Variants in PSD3 observed in about 807,000 individuals in gnomAD.
PSD3 encodes the protein pleckstrin and Sec7 domain containing 3, also known as PH and SEC7 domain-containing protein 3.
Under a neutral mutation model 105.5 loss-of-function variants are expected in PSD3, and 49 were observed. The ratio of observed to expected loss-of-function variants is 0.46; its 90% CI spans 0.37 to 0.59. PSD3 has a LOEUF of 0.59. Among genes scored for constraint, PSD3 ranks in the 20% least tolerant of loss-of-function variants. The pLI, the probability that PSD3 is intolerant of heterozygous loss-of-function variation, is 0.00. For missense variants in PSD3, 1,561 were observed against 1,263.8 expected (o/e 1.24, Z -3.57); for synonymous variants, 557 against 457.8 (o/e 1.22, Z -2.77).
In PSD3 at chr8:18,942,002, T is replaced by C. The variant is rs369228853; in HGVS notation, c.22-5860A>G. Among the ~76,000 whole-genome samples the C allele has an allele frequency of 8.5e-5, 13 of 152,168 alleles. No homozygotes were observed. In the East Asian group the frequency reaches 1.5e-3, roughly 18 times the overall value. On this transcript the variant is annotated intron_variant, in intron 1 of 15. Transcript: ENST00000327040. ...AGAATGATTCTTTTAATTAATTGTT[T>C]AGCTGTAAAAAAATCAAAAAGACGA...
chr8:18,917,183 C>T (rs34459571), intron 2 of PSD3, among the ~76,000 whole-genome samples: 7,087 of 152,228 alleles, frequency 0.047, 203 homozygotes, highest in Admixed American at 0.08. Flanking sequence ...CAGTATGTCT[C>T]GTCTTCTGTA....
At chr8:18,712,585 T>G (rs190147470) in intron 9 of PSD3, among the ~76,000 whole-genome samples, 1 of 152,166 alleles carries the variant, frequency 6.6e-6, no homozygotes, top group African/African-American at 2.4e-5. Flanking sequence ...CAGGAAGTGG[T>G]TGAATCCCTG....
At chr8:19,065,146 C>T (rs970517553) in intron 1 of PSD3, among the ~76,000 whole-genome samples, 1 of 152,164 alleles carries the variant, frequency 6.6e-6, no homozygotes, top group Admixed American at 6.5e-5. Flanking sequence ...GACCAGTCTG[C>T]TTTTTGTTCC....
chr8:18,995,650 G>A (rs1826036909), intron 1 of PSD3, among the ~76,000 whole-genome samples: 1 of 152,042 alleles, frequency 6.6e-6, no homozygotes, highest in Non-Finnish European at 1.5e-5. Context: ...AAGGAAAGAG[G>A]TTTAATTGAT....
intron 1 of PSD3, among the ~76,000 whole-genome samples, chr8:19,078,900 A>G (rs1275787736): frequency 6.6e-6 from 1 of 151,628 alleles, no homozygotes; most frequent in African/African-American, 2.4e-5. Context: ...GGCAAGCAGA[A>G]GATAGCAGAG....
intron 9 of PSD3, among the ~76,000 whole-genome samples, chr8:18,762,238 T>C (rs1424105355): frequency 1.3e-5 from 2 of 152,108 alleles, no homozygotes; most frequent in Non-Finnish European, 2.9e-5. Flanking sequence ...TCCTGAGCTA[T>C]GGTTATTTAA....
intron 9 of PSD3, among the ~76,000 whole-genome samples, chr8:18,675,287 T>G (rs1800006451): frequency 6.6e-6 from 1 of 152,196 alleles, no homozygotes; most frequent in African/African-American, 2.4e-5. Context: ...GTAAACACCT[T>G]GGCCTGCCCC....
At chr8:18,841,467 A>AAC (rs35771611) in intron 4 of PSD3, among the ~76,000 whole-genome samples, 48,909 of 148,082 alleles carry the variant, frequency 0.33, 8,604 homozygotes, top group Admixed American at 0.44. Context: ...CTGCTATTTA[A>AAC]ACACACACAC....
At chr8:18,690,209 G>A (rs138737454) in intron 9 of PSD3, among the ~76,000 whole-genome samples, 365 of 152,296 alleles carry the variant, frequency 2.4e-3, no homozygotes, top group South Asian at 0.015. Context: ...CAATAGCGTA[G>A]GAACTGGTCT....
intron 1 of PSD3, among the ~76,000 whole-genome samples, chr8:18,990,307 C>G (rs1825719725): frequency 6.6e-6 from 1 of 152,260 alleles, no homozygotes. Context: ...CATGGTCTGG[C>G]CCTAGCTTAT....
intron 7 of PSD3, 46 bp from the exon 8 acceptor site, chr8:18,799,399 G>A (rs374593475): frequency 1.5e-5 from 21 of 1,417,602 alleles, no homozygotes; most frequent in Non-Finnish European, 2.0e-5. Flanking sequence ...GCTTTTCACT[G>A]TTGGACTCCA....
intron 6 of PSD3, among the ~76,000 whole-genome samples, chr8:18,801,878 G>C (rs1586050393): frequency 6.6e-6 from 1 of 151,944 alleles, no homozygotes; most frequent in East Asian, 1.9e-4. Flanking sequence ...ATAACAGAGT[G>C]GTCAGTACAT....
At chr8:19,028,734 G>T (rs762386980) in intron 1 of PSD3, among the ~76,000 whole-genome samples, 1 of 152,044 alleles carries the variant, frequency 6.6e-6, no homozygotes, top group Non-Finnish European at 1.5e-5. Context: ...GTGCTATGTT[G>T]TGTCCTGAGA....
chr8:18,867,650 A>C (rs752000992), intron 4 of PSD3, 24 bp downstream of exon 4: 6 of 1,564,926 alleles, frequency 3.8e-6, no homozygotes, highest in Admixed American at 3.8e-5. Context: ...ACCAGCATGA[A>C]ATGAATGAGA....
intron 15 of PSD3, among the ~76,000 whole-genome samples, chr8:18,549,251 G>A (rs955716263): frequency 6.8e-5 from 10 of 147,000 alleles, no homozygotes; most frequent in South Asian, 2.1e-4. Context: ...GCATGATCTC[G>A]GCTCACTGCA....
intron 12 of PSD3, among the ~76,000 whole-genome samples, chr8:18,590,543 T>C (rs1253543376): frequency 6.6e-6 from 1 of 152,176 alleles, no homozygotes; most frequent in Non-Finnish European, 1.5e-5. Context: ...ACATTAGGTA[T>C]AATCTTTCTG....
chr8:18,620,962 C>T (rs760665012), intron 11 of PSD3, among the ~76,000 whole-genome samples: 2 of 152,148 alleles, frequency 1.3e-5, no homozygotes, highest in Non-Finnish European at 2.9e-5. Flanking sequence ...ATAAACAGAA[C>T]GAGTCAGCAG....
chr8:18,947,242 A>G (rs193042983), intron 1 of PSD3, among the ~76,000 whole-genome samples: 2 of 152,364 alleles, frequency 1.3e-5, no homozygotes, highest in Admixed American at 1.3e-4. Flanking sequence ...TGAAGGTTAG[A>G]AACAGCATGG....
At chr8:19,027,925 A>C (rs985928276) in intron 1 of PSD3, among the ~76,000 whole-genome samples, 4 of 152,108 alleles carry the variant, frequency 2.6e-5, no homozygotes, top group Non-Finnish European at 5.9e-5. Flanking sequence ...TTGTGTGTAC[A>C]TGTTTGTTCT....
Sources: allele counts gnomAD v4.1 joint callset (sites outside exome capture counted in the v4.1 genomes callset), GRCh38; gene constraint gnomAD v4.1.1; transcripts MANE v1.5; gene names NCBI Gene and HGNC (gene_info 2026-07-23, HGNC 2026-07-21).